Variants in GNAO1 observed in about 807,000 individuals in gnomAD.
The protein encoded by GNAO1 is G protein subunit alpha o1, also known as guanine nucleotide-binding protein G(o) subunit alpha.
For synonymous variants in GNAO1, 164 were observed against 180.7 expected (o/e 0.91, Z 0.74); for missense variants, 166 against 478.7 (o/e 0.35, Z 6.10).
intron 4 of GNAO1, among the ~76,000 whole-genome samples, chr16:56,332,486 C>T (rs2037699195): frequency 6.6e-6 from 1 of 152,232 alleles, no homozygotes; most frequent in African/African-American, 2.4e-5. Context: ...CTGATTCGTT[C>T]TCTCACACTA....
intron 2 of GNAO1, among the ~76,000 whole-genome samples, chr16:56,269,056 G>A (rs557880404): frequency 6.6e-6 from 1 of 152,030 alleles, no homozygotes; most frequent in Admixed American, 6.5e-5. Context: ...GTGAAGCACT[G>A]GGCCCTGACC....
intron 3 of GNAO1, among the ~76,000 whole-genome samples, chr16:56,293,506 A>G (rs1170242424): frequency 2.0e-5 from 3 of 152,102 alleles, no homozygotes; most frequent in African/African-American, 7.2e-5. Context: ...CATGAGTCCC[A>G]TGTTCTGTGT....
At chr16:56,263,513 C>A (rs1290254117) in intron 2 of GNAO1, among the ~76,000 whole-genome samples, 2 of 152,098 alleles carry the variant, frequency 1.3e-5, no homozygotes, top group Non-Finnish European at 2.9e-5. Context: ...AATAAAGGCA[C>A]AGAATAATGT....
In GNAO1 at chr16:56,351,591, TG is replaced by T; in HGVS notation, c.877+56del. The T allele has an allele frequency of 6.9e-7, 1 of 1,447,922 alleles. No homozygotes were observed. The highest frequency in any genetic ancestry group is 9.6e-7 in the Non-Finnish European group (1 of 1,041,428). The allele number at this position is 1,447,922 out of a possible 1,614,324, so 89.7% of individuals were successfully genotyped here. A position where few individuals can be genotyped will look rare whatever the true frequency, so the allele number is the denominator to read the frequency against. ...GAAGCCTGCCCCTGACAGGGACCCATGGCTCAGAGAACAGGCTGCTCGGCCA... is the reference window on the plus strand; with the variant it reads ...GAAGCCTGCCCCTGACAGGGACCCATGCTCAGAGAACAGGCTGCTCGGCCA... On this transcript the variant is annotated intron_variant, in intron 7 of 8. Transcript: ENST00000262493. This position sits in a 1 kb window ranked among gnomAD's most constrained non-coding sequence, Gnocchi z 6.1.
intron 2 of GNAO1, among the ~76,000 whole-genome samples, chr16:56,249,330 T>C (rs1034708448): frequency 6.6e-6 from 1 of 152,036 alleles, no homozygotes; most frequent in African/African-American, 2.4e-5. Context: ...TCATGGCAGG[T>C]GCTGCTACGA....
intron 2 of GNAO1, among the ~76,000 whole-genome samples, chr16:56,271,492 C>T (rs182556108): frequency 2.6e-5 from 4 of 152,162 alleles, no homozygotes; most frequent in East Asian, 1.9e-4. Flanking sequence ...CTCGCTCTGT[C>T]GCCCAGGCTG....
rs530006484 is a variant in GNAO1 at position 56,344,101 on chromosome 16, C to T, written c.723+7241C>T. 212 of 1,457,514 alleles carry T rather than the reference C, an allele frequency of 1.5e-4. 1 individual carries two copies. The African/African-American group carries it at 2.7e-3, about 18-fold the overall frequency. 90.3% of individuals were successfully genotyped at this position (1,457,514 alleles called of 1,614,324 possible). A position where few individuals can be genotyped will look rare whatever the true frequency, so the allele number is the denominator to read the frequency against. ...AAGGGAGGGAGGAGGGAGCATCCTC[C>T]ACCCGCACCCCCCAACAGAACTTGT... On this transcript the variant is annotated intron_variant, in intron 6 of 8. Coordinates refer to ENST00000262493, the MANE Select transcript of GNAO1 (RefSeq NM_020988.3).
chr16:56,293,492 G>A (rs1390461802), intron 3 of GNAO1, among the ~76,000 whole-genome samples: 6 of 152,090 alleles, frequency 3.9e-5, no homozygotes, highest in African/African-American at 1.4e-4. Context: ...TGACATCTCT[G>A]GAACATGAGT....
At position 56,322,964 on chromosome 16, in the gene GNAO1, G is replaced by T. The variant is rs374867403; in HGVS notation, c.304-5667G>T. Among the ~76,000 whole-genome samples the T allele has an allele frequency of 8.5e-5, 13 of 152,248 alleles. No homozygotes were observed. The South Asian group carries it at 2.7e-3, about 32-fold the overall frequency. On this transcript the variant is annotated intron_variant, in intron 3 of 8. Transcript: ENST00000262493. ...AGGCCCAGGTACCATGAGAAATCAG[G>T]AAACGATCCCTGCCCTGAGGACCAG...
At chr16:56,350,964 C>T (rs1167268056) in intron 6 of GNAO1, among the ~76,000 whole-genome samples, 1 of 151,760 alleles carries the variant, frequency 6.6e-6, no homozygotes, top group African/African-American at 2.4e-5. Context: ...CATGCACACA[C>T]AGGTGCACAC....
chr16:56,235,260 C>A, intron 2 of GNAO1: 1 of 453,048 alleles, frequency 2.2e-6, no homozygotes, highest in South Asian at 1.6e-5. Flanking sequence ...GTGGCTCAAT[C>A]CACTCAGATC....
At chr16:56,337,525 C>T (rs181374589) in intron 6 of GNAO1, among the ~76,000 whole-genome samples, 88 of 152,350 alleles carry the variant, frequency 5.8e-4, no homozygotes, top group African/African-American at 1.9e-3. Flanking sequence ...AGGGGACATT[C>T]CCCTGGGAGA....
intron 6 of GNAO1, among the ~76,000 whole-genome samples, chr16:56,350,135 G>A (rs2037907501): frequency 6.6e-6 from 1 of 152,156 alleles, no homozygotes; most frequent in Non-Finnish European, 1.5e-5. Flanking sequence ...AGTGGGACCA[G>A]CAATTCCTCA....
At chr16:56,258,949 G>T (rs1304112288) in intron 2 of GNAO1, among the ~76,000 whole-genome samples, 2 of 152,230 alleles carry the variant, frequency 1.3e-5, no homozygotes, top group East Asian at 3.8e-4. Flanking sequence ...CCCAGTCAAG[G>T]CCACTCCTGT....
At chr16:56,265,842 G>A (rs142932000) in intron 2 of GNAO1, among the ~76,000 whole-genome samples, 17 of 152,214 alleles carry the variant, frequency 1.1e-4, no homozygotes, top group African/African-American at 3.9e-4. Flanking sequence ...ATTTTGAGTA[G>A]TACATTAGCC....
intron 3 of GNAO1, among the ~76,000 whole-genome samples, chr16:56,299,805 A>G (rs1233476506): frequency 6.6e-6 from 1 of 152,196 alleles, no homozygotes; most frequent in Admixed American, 6.5e-5. Context: ...AAATAGTTCC[A>G]CAAGCCACTC....
At chr16:56,345,152 G>T (rs531198280) in intron 6 of GNAO1, 2 of 985,770 alleles carry the variant, frequency 2.0e-6, no homozygotes, top group Non-Finnish European at 2.4e-6. Context: ...AGCTTCTCCC[G>T]GTGACGGTGA....
intron 6 of GNAO1, chr16:56,347,745 T>G: frequency 1.0e-6 from 1 of 980,192 alleles, no homozygotes; most frequent in Non-Finnish European, 1.2e-6. Flanking sequence ...GCACCACTAC[T>G]GTCCTCCCCT....
Position 56,208,460 on chromosome 16 carries a change from CACGTGT to C in GNAO1, c.161+15845_161+15850del, listed in dbSNP as rs772126944. Among the ~76,000 whole-genome samples, 1,149 of 148,016 alleles carry C rather than the reference CACGTGT, an allele frequency of 7.8e-3. 23 individuals are homozygous for C. Among genetic ancestry groups the C allele is most frequent in the South Asian group, 0.068 (307 of 4,542 alleles). The stretch of plus-strand genomic sequence containing the variant: ...GTGTGTGTGTGTGTGCGCGCGCGCG[CACGTGT>C]GTGTGTGTGTATTCTGGGGCACATG... On this transcript the variant is annotated intron_variant, in intron 2 of 8. Coordinates refer to ENST00000262493, the MANE Select transcript of GNAO1 (RefSeq NM_020988.3).
Sources: allele counts gnomAD v4.1 joint callset (sites outside exome capture counted in the v4.1 genomes callset), GRCh38; gene constraint gnomAD v4.1.1; non-coding constraint Gnocchi (gnomAD v3.1); transcripts MANE v1.5; gene names NCBI Gene and HGNC (gene_info 2026-07-23, HGNC 2026-07-21).